SV2C: variants seen among roughly 807,000 people sequenced by gnomAD.
The protein encoded by SV2C is solute carrier family 22 member B3.
Under a neutral mutation model 79.7 loss-of-function variants are expected in SV2C, and 49 were observed. That is an observed-to-expected ratio of 0.61 (90% CI 0.49 to 0.78). The LOEUF (loss-of-function observed/expected upper bound fraction) is 0.78, where lower values mean the gene tolerates loss of function less well. Among genes scored for constraint, SV2C ranks in the 30% least tolerant of loss-of-function variants. The probability of loss-of-function intolerance (pLI) is 0.00; values close to 1 mark genes in which losing one functional copy is unlikely to be tolerated. For synonymous variants in SV2C, 334 were observed against 333.2 expected (o/e 1.00, Z -0.03); for missense variants, 833 against 912.9 (o/e 0.91, Z 1.13).
At chr5:76,162,536 A>G (rs907727843) in intron 2 of SV2C, among the ~76,000 whole-genome samples, 5 of 152,138 alleles carry the variant, frequency 3.3e-5, no homozygotes, top group Admixed American at 2.6e-4. Context: ...GAGTAGGAGG[A>G]TTGTACCAGA....
chr5:75,997,495 A>G, the SV2C span, among the ~76,000 whole-genome samples: 69 of 152,242 alleles, frequency 4.5e-4, 1 homozygote, highest in East Asian at 0.013. Flanking sequence ...AATTTACAAG[A>G]AAAAAACAAA....
intron 12 of SV2C, among the ~76,000 whole-genome samples, chr5:76,352,016 C>T (rs746047056): frequency 1.3e-5 from 2 of 152,158 alleles, no homozygotes; most frequent in African/African-American, 4.8e-5. Context: ...AGTTCGAGAC[C>T]AGCCTGGCCA....
rs553016170 is a variant in SV2C at position 76,342,496 on chromosome 5, C to A, written c.2001-10634C>A. ...AATGCAAGGCCATGTGAAGTGATCT[C>A]TATACACACAGGAAGGTACCACAGG... On this transcript the variant is annotated intron_variant, in intron 12 of 12. Coordinates refer to the SV2C transcript ENST00000322285. 6.6e-5 allele frequency among the ~76,000 whole-genome samples: 10 copies of A among 152,334 alleles called. 1 individual carries two copies. The highest frequency in any genetic ancestry group is 6.5e-4 in the Admixed American group (10 of 15,308).
chr5:75,906,316 T>C, the SV2C span, among the ~76,000 whole-genome samples: 1 of 152,170 alleles, frequency 6.6e-6, no homozygotes, highest in Non-Finnish European at 1.5e-5. Context: ...CCAGGAAATT[T>C]TCTTACCTCC....
the SV2C span, among the ~76,000 whole-genome samples, chr5:75,871,870 TTTA>T: frequency 0.031 from 4,540 of 146,398 alleles, 178 homozygotes; most frequent in African/African-American, 0.088. Flanking sequence ...TATATATATT[TTTA>T]TTATTATTAT....
chr5:76,248,922 G>A (rs1048129238), intron 4 of SV2C, among the ~76,000 whole-genome samples: 2 of 152,134 alleles, frequency 1.3e-5, no homozygotes, highest in Non-Finnish European at 2.9e-5. Context: ...CCTGGCCTCA[G>A]TGAACAATTT....
chr5:76,233,649 AG>A (rs1745510988), intron 4 of SV2C, among the ~76,000 whole-genome samples: 1 of 151,242 alleles, frequency 6.6e-6, no homozygotes, highest in Non-Finnish European at 1.5e-5. Context: ...TTTAGCATGA[AG>A]GGTTGTTGAA....
the SV2C span, among the ~76,000 whole-genome samples, chr5:75,978,299 C>G: frequency 2.6e-5 from 4 of 152,264 alleles, no homozygotes; most frequent in African/African-American, 9.6e-5. Context: ...AGCTCTTCTT[C>G]GCTGGATATT....
intron 1 of SV2C, among the ~76,000 whole-genome samples, chr5:76,098,322 C>A (rs1376241239): frequency 6.6e-6 from 1 of 152,112 alleles, no homozygotes; most frequent in Non-Finnish European, 1.5e-5. Flanking sequence ...CAATCTTTGT[C>A]CATAAGCTCA....
the SV2C span, among the ~76,000 whole-genome samples, chr5:76,041,346 C>T: frequency 6.6e-6 from 1 of 152,150 alleles, no homozygotes; most frequent in Non-Finnish European, 1.5e-5. Context: ...TTGCAAAGGG[C>T]CTCATGCACA....
At chr5:75,911,047 A>C in the SV2C span, 13 of 1,161,378 alleles carry the variant, frequency 1.1e-5, no homozygotes, top group Middle Eastern at 1.9e-4. Context: ...GTGAGAGTGA[A>C]TCTGTCGCAA....
chr5:75,895,205 C>T, the SV2C span, among the ~76,000 whole-genome samples: 630 of 152,078 alleles, frequency 4.1e-3, 2 homozygotes, highest in Non-Finnish European at 6.9e-3. Flanking sequence ...TCCAGAGTTC[C>T]CATGCTATGT....
At chr5:76,195,215 T>C (rs1744237212) in intron 3 of SV2C, 116 bp downstream of exon 3, 1 of 1,079,362 alleles carries the variant, frequency 9.3e-7, no homozygotes, top group South Asian at 1.6e-5. Context: ...CATATCCTCA[T>C]GTCAGCCCTG....
At chr5:76,207,940 C>G (rs1486119922) in intron 3 of SV2C, among the ~76,000 whole-genome samples, 2 of 152,202 alleles carry the variant, frequency 1.3e-5, no homozygotes, top group Non-Finnish European at 2.9e-5. Context: ...TAATACGGTG[C>G]AGTATAGAGC....
the SV2C span, among the ~76,000 whole-genome samples, chr5:75,886,169 C>T: frequency 6.6e-6 from 1 of 152,146 alleles, no homozygotes; most frequent in Non-Finnish European, 1.5e-5. Context: ...TGAGAGCTGT[C>T]ATTTGCCATC....
intron 4 of SV2C, among the ~76,000 whole-genome samples, chr5:76,271,293 G>T (rs1242524392): frequency 6.6e-6 from 1 of 152,100 alleles, no homozygotes; most frequent in Non-Finnish European, 1.5e-5. Flanking sequence ...ATTGGCAAAG[G>T]AATATAGATG....
intron 4 of SV2C, among the ~76,000 whole-genome samples, chr5:76,230,552 A>G (rs1745381724): frequency 6.6e-6 from 1 of 152,226 alleles, no homozygotes; most frequent in African/African-American, 2.4e-5. Flanking sequence ...GCACTTTGGG[A>G]GGCCAAGGCG....
At chr5:76,324,003 A>C (rs1364301518) in intron 12 of SV2C, among the ~76,000 whole-genome samples, 1 of 152,264 alleles carries the variant, frequency 6.6e-6, no homozygotes, top group East Asian at 1.9e-4. Context: ...GTATCTCGGA[A>C]CTGAAAGTAA....
intron 2 of SV2C, among the ~76,000 whole-genome samples, chr5:76,180,954 G>T (rs1743701527): frequency 6.6e-6 from 1 of 152,140 alleles, no homozygotes; most frequent in Non-Finnish European, 1.5e-5. Context: ...CTTTGAGCCT[G>T]GGTCATATCC....
Sources: allele counts gnomAD v4.1 joint callset (sites outside exome capture counted in the v4.1 genomes callset), GRCh38; gene constraint gnomAD v4.1.1; transcripts MANE v1.5; gene names NCBI Gene and HGNC (gene_info 2026-07-23, HGNC 2026-07-21).